ZPBP: variants seen among roughly 807,000 people sequenced by gnomAD.
ZPBP encodes zona pellucida binding protein.
In ZPBP, 26 loss-of-function variants were observed where a neutral mutation model predicts 44.8. That is an observed-to-expected ratio of 0.58 (90% confidence interval 0.43 to 0.81). The LOEUF is 0.81. Among genes scored for constraint, ZPBP ranks in the 30% least tolerant of loss-of-function variants. The probability of loss-of-function intolerance (pLI) is 0.00; values close to 1 mark genes in which losing one functional copy is unlikely to be tolerated. For synonymous variants in ZPBP, 174 were observed against 153.2 expected, an observed-to-expected ratio of 1.14 and a Z score of -1.00; for missense variants, 409 against 434.0, an observed-to-expected ratio of 0.94 and a Z score of 0.51.
At chr7:49,991,837 C>T (rs1343776084) in intron 6 of ZPBP, among the ~76,000 whole-genome samples, 1 of 151,078 alleles carries the variant, frequency 6.6e-6, no homozygotes, top group Admixed American at 6.6e-5. Context: ...AACCTCCCGT[C>T]AAAAATCACC....
At position 49,855,934 on chromosome 7, in the gene ZPBP, C is replaced by A. The variant is rs146023415; in HGVS notation, n.510-5420G>T. The stretch of plus-strand genomic sequence containing the variant: ...AGAAAACTGATGTTTCTTTCAGATC[C>A]ACTGAGAGACACTAAGCCCCACAGT... On this transcript the variant is annotated intron_variant and non_coding_transcript_variant, in intron 2 of 2. Coordinates refer to the ZPBP transcript ENST00000465922. 2.0e-3 allele frequency among the ~76,000 whole-genome samples: 304 copies of A among 152,280 alleles called. 1 individual carries two copies. Among genetic ancestry groups the A allele is most frequent in the African/African-American group, 7.0e-3 (291 of 41,554 alleles).
chr7:49,855,069 GA>G lies in ZPBP; in HGVS notation n.510-4556del, dbSNP rs1790359732. Among the ~76,000 whole-genome samples, 5 of 152,220 alleles carry G rather than the reference GA, an allele frequency of 3.3e-5. No homozygotes were observed. In the South Asian group the frequency reaches 1.0e-3, roughly 32 times the overall value. On this transcript the variant is annotated intron_variant and non_coding_transcript_variant, in intron 2 of 2. Transcript: ENST00000465922. Reference sequence around the variant, plus strand: ...TTCTCGGCTTCTATATTTGAAAATCGAAAAATAAATATTTTCCTTGGTACAG... The same window carrying G: ...TTCTCGGCTTCTATATTTGAAAATCGAAAATAAATATTTTCCTTGGTACAG...
intron 1 of ZPBP, among the ~76,000 whole-genome samples, chr7:50,090,341 C>T (rs1174336605): frequency 2.0e-5 from 3 of 151,666 alleles, no homozygotes; most frequent in African/African-American, 7.3e-5. Context: ...TAAATGAGAA[C>T]ATATAATGTT....
intron 7 of ZPBP, among the ~76,000 whole-genome samples, chr7:49,972,168 C>T (rs1796325451): frequency 6.6e-6 from 1 of 151,316 alleles, no homozygotes; most frequent in Non-Finnish European, 1.5e-5. Context: ...AAAGCATTTC[C>T]CCTAAGATTA....
intron 3 of ZPBP, among the ~76,000 whole-genome samples, chr7:50,072,262 C>T (rs1202007643): frequency 6.6e-6 from 1 of 152,166 alleles, no homozygotes; most frequent in East Asian, 1.9e-4. Context: ...AGGCTCCTCT[C>T]CCTTTGGAAA....
chr7:50,049,709 T>C (rs1021095003), intron 4 of ZPBP, among the ~76,000 whole-genome samples: 2 of 152,000 alleles, frequency 1.3e-5, no homozygotes, highest in African/African-American at 4.8e-5. Context: ...TAACATTATA[T>C]ATACTCAATG....
chr7:49,866,645 G>A (rs1391319566), intron 2 of ZPBP, among the ~76,000 whole-genome samples: 1 of 152,206 alleles, frequency 6.6e-6, no homozygotes, highest in Non-Finnish European at 1.5e-5. Context: ...AAGATGGTCA[G>A]TTTTGACATC....
chr7:50,028,233 T>C (rs1187002727), intron 5 of ZPBP, among the ~76,000 whole-genome samples: 1 of 151,680 alleles, frequency 6.6e-6, no homozygotes, highest in Non-Finnish European at 1.5e-5. Flanking sequence ...TTGTTGAACA[T>C]ATAACAATCA....
At chr7:50,071,790 TA>T (rs1185342824) in intron 3 of ZPBP, among the ~76,000 whole-genome samples, 4 of 150,750 alleles carry the variant, frequency 2.7e-5, no homozygotes, top group East Asian at 1.9e-4. Context: ...CCTGCTGCCT[TA>T]AAAAAAAAGA....
At chr7:50,024,572 C>A (rs571989615) in intron 5 of ZPBP, among the ~76,000 whole-genome samples, 1 of 151,566 alleles carries the variant, frequency 6.6e-6, no homozygotes, top group African/African-American at 2.4e-5. Flanking sequence ...ATACTATAGG[C>A]TCAGAAAGAA....
intron 1 of ZPBP, among the ~76,000 whole-genome samples, chr7:49,911,065 C>G (rs1454268225): frequency 6.6e-6 from 1 of 152,154 alleles, no homozygotes; most frequent in African/African-American, 2.4e-5. Flanking sequence ...CTGAAGAGGA[C>G]TGGTTCTTTG....
chr7:50,050,413 A>G (rs1800628533), intron 4 of ZPBP, among the ~76,000 whole-genome samples: 1 of 152,110 alleles, frequency 6.6e-6, no homozygotes, highest in East Asian at 1.9e-4. Context: ...AAATCAATGG[A>G]AGAAATTACA....
At chr7:50,067,381 A>C (rs1562603124) in intron 3 of ZPBP, among the ~76,000 whole-genome samples, 1 of 152,102 alleles carries the variant, frequency 6.6e-6, no homozygotes, top group Non-Finnish European at 1.5e-5. Flanking sequence ...TGAACATGCA[A>C]AGCAGCAGAA....
At chr7:49,981,694 T>TAATATA (rs1441558551) in intron 7 of ZPBP, among the ~76,000 whole-genome samples, 4 of 40,362 alleles carry the variant, frequency 9.9e-5, no homozygotes, top group Non-Finnish European at 1.5e-4. Context: ...ATAATATATA[T>TAATATA]AATTATATAT....
intron 2 of ZPBP, among the ~76,000 whole-genome samples, chr7:49,877,977 ATCT>A (rs1437473632): frequency 1.3e-5 from 2 of 151,882 alleles, no homozygotes; most frequent in African/African-American, 2.4e-5. Context: ...GGGTTAAATA[ATCT>A]TCTCCTTTCT....
In ZPBP at chr7:50,093,073, G is replaced by A; in HGVS notation, c.122C>T (p.Ser41Leu). 6.2e-7 allele frequency: 1 copy of A among 1,601,152 alleles called. No individual in the cohort carries two copies. Among genetic ancestry groups the A allele is most frequent in the Non-Finnish European group, 8.5e-7 (1 of 1,174,288 alleles). The stretch of plus-strand genomic sequence containing the variant: ...AGGGCGGCGCGGACCCTCACCTGAT[G>A]AGGGCACCCGCACCAGGAAGGCGGA... Reference protein sequence around the residue: ...FISAFLVRVPSSVGHLVRLPR... With the variant: ...FISAFLVRVPLSVGHLVRLPR... Residue 41 changes from serine to leucine, a missense_variant, in exon 1 of 8, where the codon TCA becomes TTA. Transcript: ENST00000046087.
At chr7:50,027,192 T>A (rs779358034) in intron 5 of ZPBP, among the ~76,000 whole-genome samples, 1 of 152,010 alleles carries the variant, frequency 6.6e-6, no homozygotes, top group African/African-American at 2.4e-5. Flanking sequence ...AGAGACCATA[T>A]CTTCCCAAAT....
At chr7:50,090,896 C>T (rs1292458389) in intron 1 of ZPBP, among the ~76,000 whole-genome samples, 2 of 152,100 alleles carry the variant, frequency 1.3e-5, no homozygotes, top group African/African-American at 4.8e-5. Context: ...CCACAATTTT[C>T]CATAGTGGTT....
At chr7:49,929,419 T>G (rs1410912271) in intron 1 of ZPBP, among the ~76,000 whole-genome samples, 1 of 152,156 alleles carries the variant, frequency 6.6e-6, no homozygotes, top group African/African-American at 2.4e-5. Flanking sequence ...GTGAGTGTCT[T>G]AGGCCTCTGA....
Sources: gnomAD v4.1 joint callset for allele counts (sites outside exome capture counted in the v4.1 genomes callset) on GRCh38, gnomAD v4.1.1 for gene constraint, MANE v1.5 for transcripts, NCBI Gene and HGNC (gene_info 2026-07-23, HGNC 2026-07-21) for gene names.